SNPH: variants seen among roughly 807,000 people sequenced by gnomAD.
SNPH encodes syntaphilin.
A neutral mutation model predicts 36.8 loss-of-function variants in SNPH; 10 were observed. The observed-to-expected ratio is 0.27, with a 90% confidence interval of 0.17 to 0.46. The LOEUF (loss-of-function observed/expected upper bound fraction) is 0.46. SNPH is among the 20% of genes least tolerant of loss of function. SNPH has a pLI of 1.00. For synonymous variants in SNPH, 281 were observed against 312.2 expected, an observed-to-expected ratio of 0.90 and a Z score of 1.05; for missense variants, 622 against 744.0, an observed-to-expected ratio of 0.84 and a Z score of 1.91.
chr20:1,270,355 G>GT (rs2088058161), intron 2 of SNPH, among the ~76,000 whole-genome samples: 1 of 151,994 alleles, frequency 6.6e-6, no homozygotes, highest in South Asian at 2.1e-4. Context: ...ACTGATATGT[G>GT]TGTGATGGGG....
chr20:1,278,454 G>A (rs1235379823), intron 2 of SNPH, among the ~76,000 whole-genome samples: 2 of 152,058 alleles, frequency 1.3e-5, no homozygotes, highest in Admixed American at 6.6e-5. Flanking sequence ...TTTCTATACT[G>A]ATGAAACCAT....
chr20:1,290,851 C>T (rs150065412), intron 2 of SNPH, among the ~76,000 whole-genome samples: 7 of 152,354 alleles, frequency 4.6e-5, no homozygotes, highest in East Asian at 3.9e-4. Context: ...TCCTTGACAA[C>T]GCTTGTTATT....
intron 6 of SNPH, among the ~76,000 whole-genome samples, chr20:1,301,039 C>T (rs140116102): frequency 0.011 from 1,699 of 152,310 alleles, 28 homozygotes; most frequent in African/African-American, 0.032. Flanking sequence ...CCTCTGGCTC[C>T]CATCTTCCAG....
chr20:1,308,445 G>A lies in SNPH; in HGVS notation c.*2391G>A, dbSNP rs2088611257. On this transcript the variant is annotated 3_prime_UTR_variant, in exon 7 of 7. Transcript: ENST00000381867. ...CAGCCCTGGGACAGGCCCTGGGACT[G>A]TGGTGGCCGGTGGCCCTGGCCCAGC... The A allele has an allele frequency of 6.6e-6, 1 of 152,624 alleles. No homozygotes were observed. The highest frequency in any genetic ancestry group is 1.5e-5 in the Non-Finnish European group (1 of 68,362). The allele number at this position is 152,624 out of a possible 1,614,324, so 9.5% of individuals were successfully genotyped here. A position where few individuals can be genotyped will look rare whatever the true frequency, so the allele number is the denominator to read the frequency against.
intron 2 of SNPH, among the ~76,000 whole-genome samples, chr20:1,272,362 T>A (rs1337912673): frequency 1.3e-5 from 2 of 152,218 alleles, no homozygotes; most frequent in African/African-American, 4.8e-5. Flanking sequence ...CAAATGTAGT[T>A]GTCTACAAAG....
chr20:1,277,736 G>A (rs2088156910), intron 2 of SNPH, among the ~76,000 whole-genome samples: 1 of 147,130 alleles, frequency 6.8e-6, no homozygotes, highest in Admixed American at 6.8e-5. Flanking sequence ...GTATCTGTGT[G>A]TGTCGTGTGT....
rs2088435336 is a variant in SNPH, at chr20:1,296,404, C to T, written c.165C>T (p.Thr55=). ...MAMSLPGSRR[T]SAGSRRRTSP... The stretch of plus-strand genomic sequence containing the variant: ...TGTCCCTGCCAGGAAGTAGACGGAC[C>T]TCTGCTGGATCACGCAGGTGAGTCT... Residue 55 remains threonine (T), a synonymous_variant, in exon 4 of 7, where the codon ACC becomes ACT. Coordinates refer to ENST00000381867, the MANE Select transcript of SNPH (RefSeq NM_001318234.2). The T allele has an allele frequency of 6.2e-7, 1 of 1,603,732 alleles. No individual in the cohort carries two copies. The highest frequency in any genetic ancestry group is 8.5e-7 in the Non-Finnish European group (1 of 1,175,270).
chr20:1,283,445 A>G lies in SNPH; in HGVS notation c.-492-11506A>G, dbSNP rs184364183. Among the ~76,000 whole-genome samples the G allele has an allele frequency of 2.1e-3, 315 of 152,338 alleles. 2 individuals carry two copies. The highest frequency in any genetic ancestry group is 7.0e-3 in the African/African-American group (293 of 41,576). ...CTAACAAACAACACAGACCAGTTAT[A>G]AGAGCAAGAGCTCTGTTAAGAACTC... On this transcript the variant is annotated intron_variant, in intron 2 of 6. Coordinates refer to ENST00000381867, the MANE Select transcript of SNPH (RefSeq NM_001318234.2).
At chr20:1,284,734 G>T (rs2088264091) in intron 2 of SNPH, among the ~76,000 whole-genome samples, 1 of 152,138 alleles carries the variant, frequency 6.6e-6, no homozygotes, top group Non-Finnish European at 1.5e-5. Context: ...AGAAGGCAGG[G>T]TGGCTAGAGC....
intron 2 of SNPH, among the ~76,000 whole-genome samples, chr20:1,283,827 TCTG>T (rs2088253450): frequency 6.6e-6 from 1 of 152,140 alleles, no homozygotes; most frequent in African/African-American, 2.4e-5. Flanking sequence ...AGAAGGTCAA[TCTG>T]CTGAGAAGGA....
intron 2 of SNPH, among the ~76,000 whole-genome samples, chr20:1,272,266 C>A (rs945375546): frequency 9.2e-5 from 14 of 152,156 alleles, no homozygotes; most frequent in African/African-American, 3.4e-4. Flanking sequence ...TCTGTTTCCT[C>A]ACCTGTAAAA....
chr20:1,296,856 G>A (rs2088442070), intron 4 of SNPH, among the ~76,000 whole-genome samples: 1 of 152,198 alleles, frequency 6.6e-6, no homozygotes, highest in African/African-American at 2.4e-5. Context: ...CCCAGAAGTT[G>A]AGGACCTTGA....
intron 2 of SNPH, among the ~76,000 whole-genome samples, chr20:1,289,512 TACACACACACACACACACACAC>T (rs56289024): frequency 2.2e-4 from 30 of 137,694 alleles, no homozygotes; most frequent in South Asian, 2.6e-4. Context: ...TTCATTTAAA[TACACACACACACACACACACAC>T]ACACACACAC....
At chr20:1,300,811 G>A in intron 6 of SNPH, 100 bp downstream of exon 6, 2 of 1,213,558 alleles carry the variant, frequency 1.6e-6, no homozygotes, top group Non-Finnish European at 2.3e-6. Flanking sequence ...GAGTGGCTGG[G>A]GGTCTCCCAG....
At chr20:1,296,450 G>C (rs1302816943) in intron 4 of SNPH, 29 bp downstream of exon 4, 1 of 1,571,826 alleles carries the variant, frequency 6.4e-7, no homozygotes, top group South Asian at 1.2e-5. Flanking sequence ...CACAGCCTAG[G>C]CTTCGGAGGG....
In SNPH at chr20:1,266,491, C is replaced by A. The variant is rs1055025098; in HGVS notation, c.-600+94C>A. The A allele has an allele frequency of 3.7e-6, 4 of 1,090,324 alleles. No individual in the cohort carries two copies. The highest frequency in any genetic ancestry group is 4.4e-5 in the South Asian group (2 of 45,916). The allele number at this position is 1,090,324 out of a possible 1,614,324, so 67.5% of individuals were successfully genotyped here. On this transcript the variant is annotated intron_variant, in intron 1 of 6. Transcript: ENST00000381867. This position sits in a 1 kb window ranked among gnomAD's most constrained non-coding sequence, Gnocchi z 6.0. ...GAGTGCCAGGGGGTGGGGTGGGGGC[C>A]GCGGGCCGCGAGGAGGAGGGGACGG...
At position 1,266,663 on chromosome 20, in the gene SNPH, C is replaced by T. The variant is rs2088008337; in HGVS notation, c.-590C>T. 4 of 1,487,148 alleles carry T rather than the reference C, an allele frequency of 2.7e-6. No individual in the cohort carries two copies. The highest frequency in any genetic ancestry group is 8.9e-7 in the Non-Finnish European group (1 of 1,121,402). The allele number at this position is 1,487,148 out of a possible 1,614,324, so 92.1% of individuals were successfully genotyped here. ...TTTCCTAACCCCGCAGGTCGCTGAT[C>T]AGGGCCAGGCGGCTGCAGCAGCGAC... On this transcript the variant is annotated 5_prime_UTR_variant, in exon 2 of 7. Transcript: ENST00000381867. This position sits in a 1 kb window ranked among gnomAD's most constrained non-coding sequence, Gnocchi z 6.0.
chr20:1,271,851 A>ACAGAAGATTGCTGT (rs2088077084), intron 2 of SNPH, among the ~76,000 whole-genome samples: 2 of 152,144 alleles, frequency 1.3e-5, no homozygotes, highest in South Asian at 4.1e-4. Context: ...AAGAGGAGTA[A>ACAGAAGATTGCTGT]CAGAAGATTG....
In SNPH at chr20:1,294,728, G is replaced by A. The variant is rs978418721; in HGVS notation, c.-492-223G>A. On this transcript the variant is annotated intron_variant, in intron 2 of 6. Coordinates refer to ENST00000381867, the MANE Select transcript of SNPH (RefSeq NM_001318234.2). This position sits in a 1 kb window ranked among gnomAD's most constrained non-coding sequence, Gnocchi z 4.4. ...CCACTCAGGAGGCAGCCCCGCCGCT[G>A]GCTGGGATGACCAGGCTCCGGGGAG... Among the ~76,000 whole-genome samples the A allele has an allele frequency of 2.0e-5, 3 of 152,210 alleles. No individual in the cohort carries two copies. The highest frequency in any genetic ancestry group is 2.9e-5 in the Non-Finnish European group (2 of 68,050).
Sources: allele counts gnomAD v4.1 joint callset (sites outside exome capture counted in the v4.1 genomes callset), GRCh38; gene constraint gnomAD v4.1.1; non-coding constraint Gnocchi (gnomAD v3.1); transcripts MANE v1.5; gene names NCBI Gene and HGNC (gene_info 2026-07-23, HGNC 2026-07-21).